Variants in LIN7A observed in about 807,000 individuals in gnomAD.
The protein encoded by LIN7A is lin-7 cell polarity scaffold A, also known as protein lin-7 homolog A.
A neutral mutation model predicts 29.8 loss-of-function variants in LIN7A; 25 were observed. The observed-to-expected ratio is 0.84, with a 90% CI of 0.61 to 1.17. The LOEUF (loss-of-function observed/expected upper bound fraction) is 1.17, where lower values mean the gene tolerates loss of function less well. Ranked by LOEUF, LIN7A falls within the 50% of genes most tolerant of loss-of-function variation. The pLI is 0.00. For synonymous variants in LIN7A, 118 were observed against 107.5 expected (o/e 1.10, Z -0.60); for missense variants, 239 against 287.0 (o/e 0.83, Z 1.21).
At chr12:80,918,732 C>T (rs1318108825) in intron 1 of LIN7A, among the ~76,000 whole-genome samples, 3 of 152,182 alleles carry the variant, frequency 2.0e-5, no homozygotes, top group African/African-American at 7.2e-5. Context: ...ATATTAGAGA[C>T]TCACTTAAAA....
At chr12:80,807,007 T>A (rs1330736126) in intron 5 of LIN7A, among the ~76,000 whole-genome samples, 1 of 151,456 alleles carries the variant, frequency 6.6e-6, no homozygotes, top group Non-Finnish European at 1.5e-5. Context: ...TAAATGCTTT[T>A]TACTAAAAAT....
chr12:80,793,003 A>T lies in LIN7A; in HGVS notation c.*4724T>A, dbSNP rs1409366837. ...TAATATCTTTTGTATATTACTTTAC[A>T]ATTTCCAAGTATTTTATATACAGTG... is the stretch of plus-strand genomic sequence containing the variant. On this transcript the variant is annotated 3_prime_UTR_variant, in exon 6 of 6. Coordinates refer to ENST00000552864, the MANE Select transcript of LIN7A (RefSeq NM_004664.4). 1 of 152,160 alleles carries T rather than the reference A, an allele frequency of 6.6e-6. No individual in the cohort carries two copies. The highest frequency in any genetic ancestry group is 1.5e-5 in the Non-Finnish European group (1 of 68,016). 9.4% of individuals were successfully genotyped at this position (152,160 alleles called of 1,614,324 possible).
chr12:80,913,762 T>C (rs1017372204), intron 1 of LIN7A, among the ~76,000 whole-genome samples: 1 of 152,220 alleles, frequency 6.6e-6, no homozygotes, highest in Non-Finnish European at 1.5e-5. Context: ...TTTCAACTAT[T>C]TGTTGCCACA....
intron 1 of LIN7A, among the ~76,000 whole-genome samples, chr12:80,907,071 G>GTGTT (rs1298254520): frequency 2.7e-5 from 4 of 146,682 alleles, no homozygotes; most frequent in African/African-American, 9.8e-5. Flanking sequence ...GTGTGTGTGT[G>GTGTT]TGTGTGTGTG....
chr12:80,889,728 A>G lies in LIN7A; in HGVS notation c.83-359T>C, dbSNP rs186024196. ...CTCTGAGGTGCTTCCTTTCAGTTCA[A>G]CTTTTCCTTTCCCATTTCAGTTTGT... On this transcript the variant is annotated intron_variant, in intron 1 of 5. Coordinates refer to ENST00000552864, the MANE Select transcript of LIN7A (RefSeq NM_004664.4). Among the ~76,000 whole-genome samples the G allele has an allele frequency of 2.0e-5, 3 of 152,184 alleles. No individual in the cohort carries two copies. The East Asian group carries it at 5.8e-4, about 29-fold the overall frequency.
At chr12:80,849,381 C>T (rs771642604) in intron 2 of LIN7A, among the ~76,000 whole-genome samples, 1 of 152,146 alleles carries the variant, frequency 6.6e-6, no homozygotes, top group Admixed American at 6.6e-5. Context: ...GCTCTAATAG[C>T]CCATTTCAGA....
chr12:80,927,048 G>A (rs891864370), intron 1 of LIN7A, among the ~76,000 whole-genome samples: 3 of 147,838 alleles, frequency 2.0e-5, no homozygotes, highest in African/African-American at 7.5e-5. Context: ...AGATATTAAT[G>A]TTATCTTTCA....
intron 1 of LIN7A, among the ~76,000 whole-genome samples, chr12:80,914,513 G>A (rs1228567901): frequency 6.6e-6 from 1 of 152,136 alleles, no homozygotes; most frequent in African/African-American, 2.4e-5. Context: ...TCCTTACTCA[G>A]AATTTTCAAA....
intron 4 of LIN7A, 83 bp downstream of exon 4, chr12:80,845,647 T>C (rs1873036085): frequency 1.8e-6 from 2 of 1,083,706 alleles, no homozygotes; most frequent in Non-Finnish European, 1.3e-6. Flanking sequence ...TTCTAGGTTT[T>C]CAACGTTGAC....
chr12:80,909,613 T>C (rs1876652499), intron 1 of LIN7A, among the ~76,000 whole-genome samples: 3 of 152,092 alleles, frequency 2.0e-5, no homozygotes, highest in Non-Finnish European at 4.4e-5. Context: ...ATGAAGCTAC[T>C]TGGGACCTTT....
At chr12:80,867,075 C>A (rs928053148) in intron 2 of LIN7A, among the ~76,000 whole-genome samples, 3 of 152,092 alleles carry the variant, frequency 2.0e-5, no homozygotes, top group Non-Finnish European at 4.4e-5. Context: ...GCCTCGCCCC[C>A]CAAGTAGCTG....
At chr12:80,922,836 A>T (rs1172380139) in intron 1 of LIN7A, among the ~76,000 whole-genome samples, 1 of 152,128 alleles carries the variant, frequency 6.6e-6, no homozygotes, top group Non-Finnish European at 1.5e-5. Flanking sequence ...TCTGTCCGGG[A>T]CATGAATCAT....
intron 5 of LIN7A, among the ~76,000 whole-genome samples, chr12:80,801,327 T>C (rs1302468812): frequency 6.6e-6 from 1 of 151,772 alleles, no homozygotes; most frequent in Non-Finnish European, 1.5e-5. Context: ...GAAAACAGCG[T>C]TGTGATGAAG....
intron 2 of LIN7A, among the ~76,000 whole-genome samples, chr12:80,880,571 A>G (rs1050070893): frequency 2.6e-5 from 4 of 152,192 alleles, no homozygotes; most frequent in African/African-American, 7.2e-5. Flanking sequence ...TTTCACACGA[A>G]TGCATGCTGA....
At chr12:80,872,115 A>G (rs1874455930) in intron 2 of LIN7A, among the ~76,000 whole-genome samples, 1 of 152,114 alleles carries the variant, frequency 6.6e-6, no homozygotes, top group African/African-American at 2.4e-5. Flanking sequence ...AAAGCATTAT[A>G]AAGCCATAAT....
intron 1 of LIN7A, among the ~76,000 whole-genome samples, chr12:80,930,394 A>G (rs192837546): frequency 6.6e-6 from 1 of 152,344 alleles, no homozygotes; most frequent in East Asian, 1.9e-4. Context: ...GAACTAAGGC[A>G]TGGATGAAAT....
At chr12:80,811,819 A>G in intron 4 of LIN7A, 136 bp from the exon 5 acceptor site, 1 of 991,756 alleles carries the variant, frequency 1.0e-6, no homozygotes, top group Non-Finnish European at 1.4e-6. Flanking sequence ...TTATCTTACC[A>G]TCATCGTTAT....
chr12:80,866,292 A>C (rs1287241958), intron 2 of LIN7A, among the ~76,000 whole-genome samples: 1 of 152,250 alleles, frequency 6.6e-6, no homozygotes, highest in Admixed American at 6.5e-5. Context: ...TAGGTACTTG[A>C]TTACATTTGA....
At chr12:80,896,623 C>G (rs1486011337) in intron 1 of LIN7A, among the ~76,000 whole-genome samples, 4 of 152,052 alleles carry the variant, frequency 2.6e-5, no homozygotes, top group Non-Finnish European at 5.9e-5. Flanking sequence ...ATTGGCAAAC[C>G]CAAAGAAGAA....
Sources: allele counts gnomAD v4.1 joint callset (sites outside exome capture counted in the v4.1 genomes callset), GRCh38; gene constraint gnomAD v4.1.1; transcripts MANE v1.5; gene names NCBI Gene and HGNC (gene_info 2026-07-23, HGNC 2026-07-21).